RUBCN: variants seen among roughly 807,000 people sequenced by gnomAD.
RUBCN encodes run domain Beclin-1-interacting and cysteine-rich domain-containing protein.
In RUBCN, 74 loss-of-function variants were observed where a neutral mutation model predicts 113.2. The observed-to-expected ratio is 0.65, with a 90% CI of 0.54 to 0.79. The LOEUF (loss-of-function observed/expected upper bound fraction) is 0.79, where lower values mean the gene tolerates loss of function less well. Among genes scored for constraint, RUBCN ranks in the 30% least tolerant of loss-of-function variants. RUBCN has a pLI of 0.00. For synonymous variants in RUBCN, 480 were observed against 490.0 expected (o/e 0.98, Z 0.27); for missense variants, 1,109 against 1,251.7 (o/e 0.89, Z 1.72).
Position 197,683,200 on chromosome 3 carries a change from G to C in RUBCN, c.1980+107C>G, listed in dbSNP as rs1156941053. ...TGTAATGAATGGCTTCCACGAGTAAGGGGGGAACACCCAGGCTCATTCCAG... is the reference window on the plus strand; with the variant it reads ...TGTAATGAATGGCTTCCACGAGTAACGGGGGAACACCCAGGCTCATTCCAG... On this transcript the variant is annotated intron_variant, in intron 13 of 19. Coordinates refer to ENST00000296343, the MANE Select transcript of RUBCN (RefSeq NM_014687.4). This position sits in a 1 kb window ranked among gnomAD's most constrained non-coding sequence, Gnocchi z 4.6. 5 of 1,363,448 alleles carry C rather than the reference G, an allele frequency of 3.7e-6. No individual in the cohort carries two copies. The highest frequency in any genetic ancestry group is 4.2e-6 in the Non-Finnish European group (4 of 952,496). The allele number at this position is 1,363,448 out of a possible 1,614,324, so 84.5% of individuals were successfully genotyped here.
chr3:197,679,016 C>T (rs1266956114), intron 16 of RUBCN, among the ~76,000 whole-genome samples: 2 of 151,626 alleles, frequency 1.3e-5, no homozygotes, highest in Admixed American at 1.3e-4. Flanking sequence ...CAACTGGCTT[C>T]AGACTGTCCT....
intron 2 of RUBCN, among the ~76,000 whole-genome samples, chr3:197,708,285 G>A (rs1038969105): frequency 1.3e-5 from 2 of 151,912 alleles, no homozygotes; most frequent in Admixed American, 1.3e-4. Context: ...ACAGGTGTCT[G>A]CCACCACGCC....
chr3:197,704,918 T>G (rs1261839502), intron 3 of RUBCN, among the ~76,000 whole-genome samples, 174 bp downstream of exon 3: 3 of 152,004 alleles, frequency 2.0e-5, no homozygotes, highest in Non-Finnish European at 2.9e-5. Flanking sequence ...TTTGCATGTT[T>G]TTTTTTTTTA....
rs1189739719 is a variant in RUBCN, at chr3:197,694,432, G to A, written c.1627C>T (p.Arg543Cys). The change falls in exon 10 of 20, where the codon CGC becomes TGC. Residue 543 changes from arginine to cysteine, a missense_variant. Transcript: ENST00000296343. ...QELKQKIRLR[R>C]QQIRTKNLLP... The stretch of plus-strand genomic sequence containing the variant: ...AGGTTCTTGGTGCGGATTTGCTGGC[G>A]CCGAAGGCGGATCTTCTGCTTCAGC... The A allele has an allele frequency of 7.4e-6, 12 of 1,614,066 alleles. No individual in the cohort carries two copies. Among genetic ancestry groups the A allele is most frequent in the African/African-American group, 2.7e-5 (2 of 74,916 alleles).
intron 1 of RUBCN, among the ~76,000 whole-genome samples, chr3:197,726,323 T>G (rs1368597149): frequency 6.6e-6 from 1 of 152,130 alleles, no homozygotes; most frequent in African/African-American, 2.4e-5. Flanking sequence ...CTCGGTTCAC[T>G]GCAAGCTCTG....
At chr3:197,704,472 G>C in intron 4 of RUBCN, 70 bp downstream of exon 4, 1 of 1,416,564 alleles carries the variant, frequency 7.1e-7, no homozygotes, top group Non-Finnish European at 1.0e-6. Context: ...TGGTACCAGA[G>C]GGGTAGAGGA....
chr3:197,734,410 GAA>G (rs113117461), intron 1 of RUBCN, among the ~76,000 whole-genome samples: 28 of 129,740 alleles, frequency 2.2e-4, no homozygotes, highest in African/African-American at 6.8e-4. Flanking sequence ...TCTAAAAAAA[GAA>G]AAAAAAAAAA....
At chr3:197,676,837 T>G (rs1309279584) in intron 18 of RUBCN, 48 bp downstream of exon 18, 4 of 1,613,498 alleles carry the variant, frequency 2.5e-6, no homozygotes, top group African/African-American at 1.3e-5. Flanking sequence ...CCTCCCTGTA[T>G]CCCTAAAAGC....
In RUBCN at chr3:197,674,922, AAAAAAG is replaced by A; in HGVS notation, c.*90_*95del. ...ATGATGATAATTAAAAAAAAAAAAAAAAAAAGAAGCCCCAGGTGGGGCGAGTCCTTC... is the reference window on the plus strand; with the variant it reads ...ATGATGATAATTAAAAAAAAAAAAAAAAGCCCCAGGTGGGGCGAGTCCTTC... On this transcript the variant is annotated 3_prime_UTR_variant, in exon 20 of 20. Coordinates refer to ENST00000296343, the MANE Select transcript of RUBCN (RefSeq NM_014687.4). 1.8e-6 allele frequency: 2 copies of A among 1,089,586 alleles called. No individual in the cohort carries two copies. Among genetic ancestry groups the A allele is most frequent in the Non-Finnish European group, 2.5e-6 (2 of 784,418 alleles). 67.5% of individuals were successfully genotyped at this position (1,089,586 alleles called of 1,614,324 possible). A position where few individuals can be genotyped will look rare whatever the true frequency, so the allele number is the denominator to read the frequency against.
At chr3:197,707,684 CG>C (rs1266792632) in intron 2 of RUBCN, among the ~76,000 whole-genome samples, 4 of 152,134 alleles carry the variant, frequency 2.6e-5, no homozygotes, top group African/African-American at 9.6e-5. Flanking sequence ...CAAATCAAGC[CG>C]GGTACAGGGG....
chr3:197,738,885 T>C (rs1304936990), upstream of RUBCN, among the ~76,000 whole-genome samples: 1 of 152,092 alleles, frequency 6.6e-6, no homozygotes, highest in Non-Finnish European at 1.5e-5. Context: ...TGAGGCACCA[T>C]ACCTGGCCTT....
chr3:197,717,343 C>T (rs560002958), intron 2 of RUBCN, among the ~76,000 whole-genome samples: 4 of 151,658 alleles, frequency 2.6e-5, no homozygotes, highest in African/African-American at 9.7e-5. Flanking sequence ...ACTCGGGAGG[C>T]TGAGCCAGGA....
intron 10 of RUBCN, 145 bp from the exon 11 acceptor site, chr3:197,693,961 GTAC>G: frequency 1.5e-6 from 1 of 658,874 alleles, no homozygotes; most frequent in Non-Finnish European, 2.7e-6. Context: ...TAAATAGAAG[GTAC>G]TACTATCTGG....
At chr3:197,679,643 G>C (rs1473628378) in intron 16 of RUBCN, among the ~76,000 whole-genome samples, 10 of 142,542 alleles carry the variant, frequency 7.0e-5, no homozygotes, top group Non-Finnish European at 1.5e-4. Flanking sequence ...CGCTCTAACT[G>C]ACAACTGGCT....
rs1182739363 is a variant in RUBCN, at chr3:197,671,746, G to T, written c.*3272C>A. 6.6e-6 allele frequency: 1 copy of T among 152,196 alleles called. No homozygotes were observed. The highest frequency in any genetic ancestry group is 1.5e-5 in the Non-Finnish European group (1 of 68,022). 9.4% of individuals were successfully genotyped at this position (152,196 alleles called of 1,614,324 possible). On this transcript the variant is annotated 3_prime_UTR_variant, in exon 20 of 20. Transcript: ENST00000296343. Reference sequence around the variant, plus strand: ...CTGAAGCATCTAAGGCAAGTCAGATGTTGCGGAGAGGAAGACACCTCATTT... The same window carrying T: ...CTGAAGCATCTAAGGCAAGTCAGATTTTGCGGAGAGGAAGACACCTCATTT...
chr3:197,735,461 T>C (rs1489486250), intron 1 of RUBCN, among the ~76,000 whole-genome samples: 2 of 152,216 alleles, frequency 1.3e-5, no homozygotes, highest in Non-Finnish European at 2.9e-5. Flanking sequence ...ACATTCCTGC[T>C]CTCGCCTGTC....
rs776289166 is a variant in RUBCN, at chr3:197,697,043, C to T, written c.1268G>A (p.Cys423Tyr). The T allele has an allele frequency of 3.2e-6, 5 of 1,571,142 alleles. No homozygotes were observed. The highest frequency in any genetic ancestry group is 4.4e-6 in the Non-Finnish European group (5 of 1,140,894). The stretch of plus-strand genomic sequence containing the variant: ...GCCTCTCAACTTCGCCTTATCATTG[C>T]AGGATTCTAATGACGATGACCACCA... ...SIASRGAPES[C>Y]NDKAKLRGPL... Residue 423 changes from cysteine to tyrosine, a missense_variant, in exon 8 of 20, where the codon TGC becomes TAC. By Grantham distance (194) the Cys-to-Tyr change is radical. Around this residue, in one of 3 missense-constraint regions of RUBCN, gnomAD observed 736 missense variants for 779.6 expected, o/e 0.94. Coordinates refer to ENST00000296343, the MANE Select transcript of RUBCN (RefSeq NM_014687.4).
At chr3:197,708,554 CAAAAA>C (rs113534449) in intron 2 of RUBCN, among the ~76,000 whole-genome samples, 4,187 of 74,568 alleles carry the variant, frequency 0.056, 193 homozygotes, top group African/African-American at 0.15. Flanking sequence ...GTGGTAGACT[CAAAAA>C]AAAAAAAAAA....
At chr3:197,698,621 G>A (rs1176576356) in intron 7 of RUBCN, among the ~76,000 whole-genome samples, 3 of 151,906 alleles carry the variant, frequency 2.0e-5, no homozygotes, top group Non-Finnish European at 4.4e-5. Context: ...GTATATCTAA[G>A]ACCACAGAAA....
Sources: allele counts gnomAD v4.1 joint callset (sites outside exome capture counted in the v4.1 genomes callset), GRCh38; gene constraint gnomAD v4.1.1; regional missense constraint gnomAD v4.1.1; non-coding constraint Gnocchi (gnomAD v3.1); transcripts MANE v1.5; gene names NCBI Gene and HGNC (gene_info 2026-07-23, HGNC 2026-07-21).